Variants in HEATR4 observed in about 807,000 individuals in gnomAD.
HEATR4 encodes HEAT repeat containing 4.
In HEATR4, 95 loss-of-function variants were observed where a neutral mutation model predicts 108.8. The ratio of observed to expected loss-of-function variants is 0.87; its 90% CI spans 0.74 to 1.04. The LOEUF is 1.04. Among genes scored for constraint, HEATR4 ranks in the 50% least tolerant of loss-of-function variants. HEATR4 has a pLI of 0.00. For synonymous variants in HEATR4, 443 were observed against 459.4 expected (o/e 0.96, Z 0.46); for missense variants, 1,152 against 1,253.8 (o/e 0.92, Z 1.23).
At chr14:73,595,278 A>T in the HEATR4 span, 2 of 1,614,100 alleles carry the variant, frequency 1.2e-6, no homozygotes, top group African/African-American at 2.7e-5. Flanking sequence ...GATATAAGGA[A>T]TGCTCTCGTA....
chr14:73,578,797 C>T, the HEATR4 span, among the ~76,000 whole-genome samples: 1 of 150,540 alleles, frequency 6.6e-6, no homozygotes, highest in Non-Finnish European at 1.5e-5. Flanking sequence ...CTACTAAATA[C>T]AAAAATTGGC....
At position 73,522,794 on chromosome 14, in the gene HEATR4, T is replaced by C. The variant is rs368462898; in HGVS notation, c.359A>G (p.Lys120Arg). Residue 120 changes from lysine to arginine, a missense_variant, in exon 3 of 18, where the codon AAG becomes AGG. By Grantham distance (26) the Lys-to-Arg change is conservative (BLOSUM62 2). Transcript: ENST00000553558. ...TAAGGGACTTGAGGAACCCAGGAAC[T>C]TGAAGCTAACAGGTTTCTGAGGCCG... Reference protein sequence around the residue: ...KARPQKPVSFKFLGSSSPLTG... With the variant: ...KARPQKPVSFRFLGSSSPLTG... The C allele has an allele frequency of 2.0e-5, 33 of 1,614,074 alleles. No homozygotes were observed. The highest frequency in any genetic ancestry group is 2.8e-5 in the Non-Finnish European group (33 of 1,180,030).
chr14:73,596,575 T>C, the HEATR4 span: 19 of 152,024 alleles, frequency 1.2e-4, no homozygotes, highest in African/African-American at 4.4e-4. Flanking sequence ...CTCCTTGACA[T>C]TGACACTACA....
chr14:73,602,532 G>A, the HEATR4 span, among the ~76,000 whole-genome samples: 2 of 152,144 alleles, frequency 1.3e-5, no homozygotes, highest in African/African-American at 4.8e-5. Context: ...ACAGAGGGCT[G>A]TGTAAAGCTC....
At chr14:73,572,548 A>G in the HEATR4 span, among the ~76,000 whole-genome samples, 8 of 150,500 alleles carry the variant, frequency 5.3e-5, no homozygotes, top group African/African-American at 1.9e-4. Flanking sequence ...CTGGAAAGAG[A>G]GGAAAGGGCA....
intron 17 of HEATR4, among the ~76,000 whole-genome samples, chr14:73,486,699 A>G (rs10450928): frequency 0.071 from 7,324 of 103,390 alleles, 606 homozygotes; most frequent in African/African-American, 0.2. Flanking sequence ...CTCTGTCTTG[A>G]AAAAAAAAAA....
At chr14:73,578,813 G>T in the HEATR4 span, among the ~76,000 whole-genome samples, 1 of 151,874 alleles carries the variant, frequency 6.6e-6, no homozygotes, top group Non-Finnish European at 1.5e-5. Context: ...TTGGCCAGGC[G>T]CGGTGGCTCA....
chr14:73,487,001 C>T (rs1028165195), intron 17 of HEATR4, among the ~76,000 whole-genome samples: 3 of 152,064 alleles, frequency 2.0e-5, no homozygotes, highest in African/African-American at 7.2e-5. Context: ...AGCGCGATGG[C>T]TCACGCCTGT....
the HEATR4 span, among the ~76,000 whole-genome samples, chr14:73,583,404 C>T: frequency 2.0e-5 from 3 of 151,692 alleles, no homozygotes; most frequent in South Asian, 4.2e-4. Context: ...ATCCCCTTTA[C>T]CCCAACCAAT....
the HEATR4 span, among the ~76,000 whole-genome samples, chr14:73,568,629 T>A: frequency 6.6e-6 from 1 of 151,654 alleles, no homozygotes; most frequent in Non-Finnish European, 1.5e-5. Flanking sequence ...AACAAAATAA[T>A]AACTATTAGC....
chr14:73,545,992 AT>A (rs1303382610), intron 1 of HEATR4, among the ~76,000 whole-genome samples: 3 of 110,838 alleles, frequency 2.7e-5, no homozygotes, highest in Non-Finnish European at 5.9e-5. Flanking sequence ...TATAAAAACA[AT>A]TTTTTTTTGA....
intron 1 of HEATR4, among the ~76,000 whole-genome samples, chr14:73,541,333 A>G (rs113041847): frequency 8.9e-6 from 1 of 112,054 alleles, no homozygotes; most frequent in African/African-American, 3.0e-5. Context: ...ACTTGCCAGA[A>G]GTTTCTGGAC....
rs758391869 is a variant in HEATR4 at position 73,551,536 on chromosome 14, G to A, written c.-152+7215C>T. Among the ~76,000 whole-genome samples, 21 of 114,012 alleles carry A rather than the reference G, an allele frequency of 1.8e-4. 5 individuals are homozygous for A. Among genetic ancestry groups the A allele is most frequent in the Non-Finnish European group, 2.9e-4 (15 of 52,294 alleles). The allele number at this position is 114,012 out of a possible 152,430, so 74.8% of individuals were successfully genotyped here. ...AGAGACAAAATGGCAGGCCAGGCGC[G>A]GTGGCTCACGCCTGTAATCCCAACA... On this transcript the variant is annotated intron_variant, in intron 1 of 17. Transcript: ENST00000553558.
chr14:73,504,203 G>A (rs1403170280), intron 10 of HEATR4, among the ~76,000 whole-genome samples: 1 of 150,448 alleles, frequency 6.6e-6, no homozygotes. Flanking sequence ...TGAGCCTCCT[G>A]AGTAGCTGGG....
upstream of HEATR4, among the ~76,000 whole-genome samples, chr14:73,562,915 G>C (rs1889550089): frequency 1.3e-5 from 2 of 151,970 alleles, no homozygotes; most frequent in African/African-American, 4.8e-5. Context: ...TTTGCCTTGT[G>C]ATCTTTGTTG....
the HEATR4 span, among the ~76,000 whole-genome samples, chr14:73,583,348 C>CA: frequency 0.055 from 7,063 of 129,068 alleles, 279 homozygotes; most frequent in Non-Finnish European, 0.087. Flanking sequence ...GACTCCGTCT[C>CA]AAAAAAAAAA....
At chr14:73,524,310 AATAT>A (rs58047390) in intron 2 of HEATR4, among the ~76,000 whole-genome samples, 155 of 54,764 alleles carry the variant, frequency 2.8e-3, no homozygotes, top group African/African-American at 3.3e-3. Flanking sequence ...AAAAAAAAAA[AATAT>A]ATATATATAT....
Position 73,520,885 on chromosome 14 carries a change from T to C in HEATR4, c.1036A>G (p.Thr346Ala), listed in dbSNP as rs762912914. Residue 346 changes from threonine to alanine, a missense_variant, in exon 4 of 18, where the codon ACA (threonine) becomes GCA (alanine). Physicochemically the swap from Thr to Ala is moderately conservative, Grantham distance 58. Transcript: ENST00000553558. ...ATCTCCTGTTCAAAGGTGTTGTCTG[T>C]GGAGTAGGCAAACTTTCCAGCTCGG... is the stretch of plus-strand genomic sequence containing the variant. ...TPRAGKFAYS[T>A]DNTFEQEIYF... 34 of 1,613,944 alleles carry C rather than the reference T, an allele frequency of 2.1e-5. 1 individual carries two copies. In the Admixed American group the frequency reaches 5.5e-4, roughly 26 times the overall value.
chr14:73,512,990 T>C (rs1415687511), intron 6 of HEATR4, among the ~76,000 whole-genome samples: 3 of 152,194 alleles, frequency 2.0e-5, no homozygotes, highest in Non-Finnish European at 4.4e-5. Flanking sequence ...GCACTCAGAC[T>C]TCTACTCTCC....
Sources: gnomAD v4.1 joint callset for allele counts (sites outside exome capture counted in the v4.1 genomes callset) on GRCh38, gnomAD v4.1.1 for gene constraint, MANE v1.5 for transcripts, NCBI Gene and HGNC (gene_info 2026-07-23, HGNC 2026-07-21) for gene names.